Variants in TOP2B observed in about 807,000 individuals in gnomAD.
The protein encoded by TOP2B is DNA topoisomerase II beta.
Under a neutral mutation model 193.5 loss-of-function variants are expected in TOP2B, and 51 were observed. The observed-to-expected ratio is 0.26, with a 90% CI of 0.21 to 0.33. The LOEUF is 0.33. TOP2B is among the 10% of genes least tolerant of loss of function. The pLI is 1.00. For missense variants in TOP2B, 1,378 were observed against 1,909.3 expected, an observed-to-expected ratio of 0.72 and a Z score of 5.19; for synonymous variants, 634 against 635.7, an observed-to-expected ratio of 1.00 and a Z score of 0.04.
At chr3:25,612,145 T>C (rs994923973) in intron 28 of TOP2B, among the ~76,000 whole-genome samples, 4 of 152,040 alleles carry the variant, frequency 2.6e-5, no homozygotes, top group Non-Finnish European at 5.9e-5. Context: ...GGTTTCACCA[T>C]GTTTGCCAGG....
chr3:25,635,847 A>T, intron 7 of TOP2B, 89 bp downstream of exon 7: 1 of 1,032,876 alleles, frequency 9.7e-7, no homozygotes, highest in Non-Finnish European at 1.4e-6. Flanking sequence ...AGTAAAAGAG[A>T]CTACCAGATG....
At chr3:25,628,255 G>A (rs956706888) in intron 15 of TOP2B, among the ~76,000 whole-genome samples, 1 of 149,882 alleles carries the variant, frequency 6.7e-6, no homozygotes, top group African/African-American at 2.5e-5. Flanking sequence ...GTGGGTGGAT[G>A]GCTTGAACTC....
intron 1 of TOP2B, among the ~76,000 whole-genome samples, chr3:25,658,196 C>T (rs1051086165): frequency 4.0e-4 from 61 of 151,556 alleles, no homozygotes; most frequent in African/African-American, 1.2e-3. Context: ...GCCACTGCAC[C>T]CCAACCTGGG....
At chr3:25,635,352 C>T (rs922956260) in intron 7 of TOP2B, among the ~76,000 whole-genome samples, 6 of 151,934 alleles carry the variant, frequency 3.9e-5, no homozygotes, top group Non-Finnish European at 7.4e-5. Context: ...AAGAAAAAAA[C>T]AATCTGAAAA....
intron 31 of TOP2B, among the ~76,000 whole-genome samples, chr3:25,606,943 G>A (rs1462988767): frequency 1.3e-5 from 2 of 152,096 alleles, no homozygotes; most frequent in Non-Finnish European, 2.9e-5. Context: ...TATGGCCCAC[G>A]AAGCCTAAAA....
At position 25,664,635 on chromosome 3, in the gene TOP2B, C is replaced by G. The variant is rs1704036409; in HGVS notation, c.-338G>C. The G allele has an allele frequency of 5.0e-6, 5 of 990,280 alleles. No individual in the cohort carries two copies. Among genetic ancestry groups the G allele is most frequent in the Admixed American group, 6.1e-5 (1 of 16,324 alleles). 61.3% of individuals were successfully genotyped at this position (990,280 alleles called of 1,614,324 possible). A position where few individuals can be genotyped will look rare whatever the true frequency, so the allele number is the denominator to read the frequency against. On this transcript the variant is annotated 5_prime_UTR_variant, in exon 1 of 36. Coordinates refer to ENST00000264331, the MANE Select transcript of TOP2B (RefSeq NM_001330700.2). Reference sequence around the variant, plus strand: ...CGCCGCTGCAGGCCGGGCTGAAGCCCGGGCGTGCGAGCCGCGAGGGCGGCC... The same window carrying G: ...CGCCGCTGCAGGCCGGGCTGAAGCCGGGGCGTGCGAGCCGCGAGGGCGGCC...
In TOP2B at chr3:25,620,081, T is replaced by C. The variant is rs1174773592; in HGVS notation, c.2863-19A>G. ...TATATACCTATAAAGATTTAAAAAT[T>C]AGTGATTCTTTTCATGACACACTCT... is the stretch of plus-strand genomic sequence containing the variant. On this transcript the variant is annotated intron_variant, in intron 22 of 35. Transcript: ENST00000264331. 7.1e-7 allele frequency: 1 copy of C among 1,410,400 alleles called. No homozygotes were observed. The highest frequency in any genetic ancestry group is 1.4e-5 in the African/African-American group (1 of 69,588). 87.4% of individuals were successfully genotyped at this position (1,410,400 alleles called of 1,614,324 possible). A position where few individuals can be genotyped will look rare whatever the true frequency, so the allele number is the denominator to read the frequency against.
intron 33 of TOP2B, 101 bp downstream of exon 33, chr3:25,604,654 ATTGTT>A (rs1702190045): frequency 1.6e-5 from 15 of 932,442 alleles, no homozygotes; most frequent in Non-Finnish European, 2.3e-5. Context: ...ATACTTCTTA[ATTGTT>A]TTATGATAAA....
At chr3:25,653,957 C>G (rs1296798444) in intron 1 of TOP2B, among the ~76,000 whole-genome samples, 1 of 152,056 alleles carries the variant, frequency 6.6e-6, no homozygotes, top group Non-Finnish European at 1.5e-5. Context: ...GAAAACACCT[C>G]AATATAATAA....
At chr3:25,643,579 T>C in intron 3 of TOP2B, 115 bp downstream of exon 3, 1 of 712,258 alleles carries the variant, frequency 1.4e-6, no homozygotes, top group South Asian at 2.1e-5. Flanking sequence ...TTCAGAAGGA[T>C]AAAAGCCAGA....
chr3:25,614,217 T>C (rs1035499626), intron 27 of TOP2B, among the ~76,000 whole-genome samples: 2 of 152,286 alleles, frequency 1.3e-5, no homozygotes, highest in Admixed American at 1.3e-4. Context: ...GACTTTTCAA[T>C]AGTGAGGAAA....
intron 23 of TOP2B, 124 bp downstream of exon 23, chr3:25,619,738 G>GAAAA (rs375797612): frequency 1.2e-4 from 64 of 524,024 alleles, no homozygotes; most frequent in South Asian, 2.6e-4. Context: ...TGCAGGATGG[G>GAAAA]AAAAAAAAAA....
In TOP2B at chr3:25,626,619, T is replaced by C. The variant is rs772148625; in HGVS notation, c.2165A>G (p.Lys722Arg). 1.3e-6 allele frequency: 2 copies of C among 1,540,566 alleles called. No homozygotes were observed. The highest frequency in any genetic ancestry group is 1.3e-5 in the South Asian group (1 of 79,898). The change falls in exon 18 of 36, where the codon AAG (lysine) becomes AGG (arginine). Residue 722 changes from lysine to arginine, a missense_variant. This residue lies in a region of TOP2B where 379 missense variants were observed against 615.1 expected (regional missense o/e 0.62). Transcript: ENST00000264331. ...TGAGTTTGAGAAGAGAATCAATTCC[T>C]TGTTGATGAAATCATTATAAGTCAA... is the stretch of plus-strand genomic sequence containing the variant. Reference protein sequence around the residue: ...KHLTYNDFINKELILFSNSDN... With the variant: ...KHLTYNDFINRELILFSNSDN...
At chr3:25,625,329 G>A (rs1476829118) in intron 18 of TOP2B, among the ~76,000 whole-genome samples, 2 of 152,236 alleles carry the variant, frequency 1.3e-5, no homozygotes, top group Admixed American at 6.6e-5. Flanking sequence ...CAAATAACTA[G>A]TAAGTCTATG....
intron 33 of TOP2B, among the ~76,000 whole-genome samples, chr3:25,603,781 A>C (rs1702169416): frequency 6.6e-6 from 1 of 152,236 alleles, no homozygotes; most frequent in Non-Finnish European, 1.5e-5. Context: ...TCCCAGTGTG[A>C]AACACACATC....
At chr3:25,605,588 G>GA (rs1702217192) in intron 32 of TOP2B, among the ~76,000 whole-genome samples, 1 of 151,936 alleles carries the variant, frequency 6.6e-6, no homozygotes, top group South Asian at 2.1e-4. Context: ...AAAAAAATAC[G>GA]AAACAAGAAG....
At position 25,626,661 on chromosome 3, in the gene TOP2B, C is replaced by T; in HGVS notation, c.2123G>A (p.Gly708Asp). ...LHGLPEQFLYGTATKHLTYND... is the reference protein window; with the variant it reads ...LHGLPEQFLYDTATKHLTYND... ...ATAAGTCAAATGCTTTGTTGCAGTA[C>T]CATATAAAAATTGCTAAGAGAAAAG... Residue 708 changes from glycine to aspartate, a missense_variant, in exon 18 of 36, where the codon GGT (glycine) becomes GAT (aspartate). This residue lies in a region of TOP2B where 379 missense variants were observed against 615.1 expected (regional missense o/e 0.62). Coordinates refer to ENST00000264331, the MANE Select transcript of TOP2B (RefSeq NM_001330700.2). The T allele has an allele frequency of 6.5e-7, 1 of 1,530,102 alleles. No homozygotes were observed. The highest frequency in any genetic ancestry group is 8.8e-7 in the Non-Finnish European group (1 of 1,139,230). 94.8% of individuals were successfully genotyped at this position (1,530,102 alleles called of 1,614,324 possible). A position where few individuals can be genotyped will look rare whatever the true frequency, so the allele number is the denominator to read the frequency against.
Position 25,623,675 on chromosome 3 carries a change from C to T in TOP2B, c.2567G>A (p.Arg856His). The change falls in exon 21 of 36, where the codon CGT becomes CAT. Residue 856 changes from arginine (R) to histidine (H), a missense_variant. Transcript: ENST00000264331. ...LLKFLYDDNQ[R>H]VEPEWYIPII... ...AGGAATATACCACTCAGGCTCTACA[C>T]GTTGATTATCATCATAAAGGAACTT... The T allele has an allele frequency of 1.9e-6, 3 of 1,613,682 alleles. No homozygotes were observed. Among genetic ancestry groups the T allele is most frequent in the South Asian group, 1.1e-5 (1 of 91,066 alleles).
chr3:25,625,968 T>C (rs1439276077), intron 18 of TOP2B, among the ~76,000 whole-genome samples: 1 of 152,140 alleles, frequency 6.6e-6, no homozygotes, highest in Non-Finnish European at 1.5e-5. Context: ...GAAAGGCGAT[T>C]TGTGGCTAGA....
Sources: gnomAD v4.1 joint callset for allele counts (sites outside exome capture counted in the v4.1 genomes callset) on GRCh38, gnomAD v4.1.1 for gene constraint, gnomAD v4.1.1 regional missense constraint, MANE v1.5 for transcripts, NCBI Gene and HGNC (gene_info 2026-07-23, HGNC 2026-07-21) for gene names.